The following GAPVD1 variants were observed in gnomAD, a reference collection of about 807,000 sequenced individuals.
GAPVD1 encodes GTPase activating protein and VPS9 domains 1, also known as GTPase-activating protein and VPS9 domain-containing protein 1.
In GAPVD1, 35 loss-of-function variants were observed where a neutral mutation model predicts 155.5. That is an observed-to-expected ratio of 0.23 (90% CI 0.17 to 0.30). The LOEUF (loss-of-function observed/expected upper bound fraction) is 0.30, where lower values mean the gene tolerates loss of function less well. GAPVD1 is among the 10% of genes least tolerant of loss of function. The probability of loss-of-function intolerance (pLI) is 1.00; values close to 1 mark genes in which losing one functional copy is unlikely to be tolerated. For missense variants in GAPVD1, 1,429 were observed against 1,775.7 expected (o/e 0.80, Z 3.51); for synonymous variants, 636 against 619.7 (o/e 1.03, Z -0.39).
Position 125,350,868 on chromosome 9 carries a change from T to C in GAPVD1, c.3565T>C (p.Tyr1189His). ...RKLLASIAED[Y>H]RKRAPYIAYL... The stretch of plus-strand genomic sequence containing the variant: ...ACTGCTGGCTTCGATTGCTGAGGAC[T>C]ACAGGTAATATACCCCACCTGTTCA... Residue 1189 changes from tyrosine (Y) to histidine (H), a missense_variant, in exon 23 of 28, where the codon TAC (tyrosine) becomes CAC (histidine). Transcript: ENST00000297933. 1 of 1,611,580 alleles carries C rather than the reference T, an allele frequency of 6.2e-7. No homozygotes were observed. The highest frequency in any genetic ancestry group is 8.5e-7 in the Non-Finnish European group (1 of 1,178,624).
At chr9:125,328,649 C>T (rs1040497783) in intron 12 of GAPVD1, among the ~76,000 whole-genome samples, 6 of 150,814 alleles carry the variant, frequency 4.0e-5, no homozygotes, top group Admixed American at 6.6e-5. Context: ...TTTTCCCCAC[C>T]TTTCCCGCCT....
intron 4 of GAPVD1, among the ~76,000 whole-genome samples, chr9:125,300,856 C>T (rs1016190298): frequency 1.3e-5 from 2 of 151,104 alleles, no homozygotes; most frequent in African/African-American, 2.4e-5. Context: ...GGTTTTTTCC[C>T]CACATCTTTT....
At chr9:125,326,610 C>G (rs1564399997) in intron 12 of GAPVD1, 21 bp downstream of exon 12, 2 of 1,560,696 alleles carry the variant, frequency 1.3e-6, no homozygotes, top group African/African-American at 2.7e-5. Context: ...TTTAATGTCT[C>G]TGAAATATCA....
At chr9:125,300,083 ATATATATATATGTATT>A (rs1840619754) in intron 4 of GAPVD1, among the ~76,000 whole-genome samples, 1 of 101,232 alleles carries the variant, frequency 9.9e-6, no homozygotes, top group African/African-American at 3.8e-5. Context: ...ATATATATAT[ATATATATATATGTATT>A]TCCATGTTTT....
intron 12 of GAPVD1, among the ~76,000 whole-genome samples, chr9:125,328,217 T>C (rs566446842): frequency 1.3e-4 from 19 of 148,976 alleles, no homozygotes; most frequent in Admixed American, 6.7e-5. Context: ...AATTTATTTT[T>C]TTATTGATAA....
In GAPVD1 at chr9:125,363,424, T is replaced by C. The variant is rs1851205312; in HGVS notation, c.*678T>C. ...AACAAAAAGTACACAGAAATATTTA[T>C]TAAAATGTAATACAGTTTATTGAAC... On this transcript the variant is annotated 3_prime_UTR_variant, in exon 28 of 28. Transcript: ENST00000297933. 6.6e-6 allele frequency: 1 copy of C among 152,198 alleles called. No individual in the cohort carries two copies. Among genetic ancestry groups the C allele is most frequent in the African/African-American group, 2.4e-5 (1 of 41,450 alleles). The allele number at this position is 152,198 out of a possible 1,614,324, so 9.4% of individuals were successfully genotyped here. A position where few individuals can be genotyped will look rare whatever the true frequency, so the allele number is the denominator to read the frequency against.
chr9:125,264,128 A>G, intron 1 of GAPVD1: 1 of 711,222 alleles, frequency 1.4e-6, no homozygotes, highest in Non-Finnish European at 2.5e-6. Flanking sequence ...AGACAGGATG[A>G]CAGTGTAGAC....
At chr9:125,359,648 G>A in intron 26 of GAPVD1, 156 bp downstream of exon 26, 1 of 563,376 alleles carries the variant, frequency 1.8e-6, no homozygotes. Flanking sequence ...AGTTCCTGAA[G>A]ATGCTTTCAG....
chr9:125,339,666 AT>A (rs1847550598), intron 17 of GAPVD1, among the ~76,000 whole-genome samples: 1 of 152,202 alleles, frequency 6.6e-6, no homozygotes, highest in South Asian at 2.1e-4. Flanking sequence ...ACCTTTCTCC[AT>A]AAATAAGACC....
At chr9:125,291,613 G>A (rs1477583279) in intron 2 of GAPVD1, among the ~76,000 whole-genome samples, 1 of 152,130 alleles carries the variant, frequency 6.6e-6, no homozygotes, top group Non-Finnish European at 1.5e-5. Context: ...GTATGTGCCT[G>A]CAAGAGAGGG....
At chr9:125,350,256 T>C in intron 21 of GAPVD1, 39 bp from the exon 22 acceptor site, 1 of 1,161,626 alleles carries the variant, frequency 8.6e-7, no homozygotes, top group Non-Finnish European at 1.3e-6. Flanking sequence ...TGACCATATC[T>C]GGATAAAGAA....
chr9:125,304,504 A>T (rs1841470311), intron 5 of GAPVD1, among the ~76,000 whole-genome samples: 2 of 152,176 alleles, frequency 1.3e-5, no homozygotes, highest in Admixed American at 1.3e-4. Context: ...TAAGAAGAGG[A>T]TGTTGTAATA....
rs76152527 is a variant in GAPVD1, at chr9:125,278,698, G to A, written c.-150+9714G>A. On this transcript the variant is annotated intron_variant, in intron 2 of 27. Transcript: ENST00000297933. ...CAAAATACAAACATTAGCTGGATGC[G>A]GTAGTACATGCTTGTAGTCCCAGCT... Among the ~76,000 whole-genome samples the A allele has an allele frequency of 5.4e-3, 826 of 151,918 alleles. 2 individuals carry two copies. The highest frequency in any genetic ancestry group is 6.9e-3 in the Non-Finnish European group (467 of 67,968).
intron 9 of GAPVD1, among the ~76,000 whole-genome samples, chr9:125,315,860 C>T (rs970220198): frequency 1.3e-5 from 2 of 152,012 alleles, no homozygotes; most frequent in African/African-American, 4.8e-5. Flanking sequence ...CCTAGAAGAT[C>T]CAAGCTCTCA....
chr9:125,266,898 C>G (rs2131679724), intron 1 of GAPVD1, among the ~76,000 whole-genome samples: 1 of 151,962 alleles, frequency 6.6e-6, no homozygotes, highest in South Asian at 2.1e-4. Flanking sequence ...GTAACTGGTA[C>G]TATGGGCACG....
intron 15 of GAPVD1, among the ~76,000 whole-genome samples, chr9:125,333,403 A>G (rs1258093600): frequency 6.6e-6 from 1 of 150,860 alleles, no homozygotes; most frequent in African/African-American, 2.4e-5. Context: ...TTAAAAACCT[A>G]TGCAAGAAGT....
At chr9:125,335,285 T>C (rs1289041605) in intron 15 of GAPVD1, 2 of 640,248 alleles carry the variant, frequency 3.1e-6, no homozygotes, top group African/African-American at 3.7e-5. Context: ...TTGCAAAAAA[T>C]GTGTCATTCT....
intron 17 of GAPVD1, 55 bp downstream of exon 17, chr9:125,337,646 A>G: frequency 6.9e-7 from 1 of 1,444,668 alleles, no homozygotes; most frequent in Admixed American, 2.0e-5. Flanking sequence ...AGTTCTCTTG[A>G]TATCTGAAAT....
At chr9:125,311,294 A>G (rs1395563165) in intron 8 of GAPVD1, among the ~76,000 whole-genome samples, 3 of 152,200 alleles carry the variant, frequency 2.0e-5, no homozygotes, top group Non-Finnish European at 2.9e-5. Flanking sequence ...TTGAAAAGAC[A>G]TTAATGCATT....
Sources: gnomAD v4.1 joint callset for allele counts (sites outside exome capture counted in the v4.1 genomes callset) on GRCh38, gnomAD v4.1.1 for gene constraint, MANE v1.5 for transcripts, NCBI Gene and HGNC (gene_info 2026-07-23, HGNC 2026-07-21) for gene names.